The following ZNF672 variants were observed in gnomAD, a reference collection of about 807,000 sequenced individuals.
The protein encoded by ZNF672 is zinc finger protein 672, also known as hypothetical protein FLJ22301.
For missense variants in ZNF672, 733 were observed against 701.1 expected (o/e 1.05, Z -0.51); for synonymous variants, 358 against 305.6 (o/e 1.17, Z -1.79).
chr1:248,838,261 AGGCT>A lies in ZNF672; in HGVS notation c.-763_-760del, dbSNP rs1664606011. ...TTCCCGGCTCCAGCTGGGGCCGGAG[AGGCT>A]GAGTGGTTGGTACGCTGCTCGCTGG... is the stretch of plus-strand genomic sequence containing the variant. On this transcript the variant is annotated 5_prime_UTR_variant, in exon 1 of 4. Coordinates refer to ENST00000306562, the MANE Select transcript of ZNF672 (RefSeq NM_024836.3). 1 of 152,132 alleles carries A rather than the reference AGGCT, an allele frequency of 6.6e-6. No individual in the cohort carries two copies. Among genetic ancestry groups the A allele is most frequent in the Non-Finnish European group, 1.5e-5 (1 of 68,080 alleles). 9.4% of individuals were successfully genotyped at this position (152,132 alleles called of 1,614,324 possible). A position where few individuals can be genotyped will look rare whatever the true frequency, so the allele number is the denominator to read the frequency against.
chr1:248,849,092 G>T lies in ZNF672; in HGVS notation c.*459G>T. 2 of 476,340 alleles carry T rather than the reference G, an allele frequency of 4.2e-6. No homozygotes were observed. Among genetic ancestry groups the T allele is most frequent in the Non-Finnish European group, 8.7e-6 (2 of 230,542 alleles). The allele number at this position is 476,340 out of a possible 1,614,324, so 29.5% of individuals were successfully genotyped here. On this transcript the variant is annotated 3_prime_UTR_variant, in exon 4 of 4. Coordinates refer to ENST00000306562, the MANE Select transcript of ZNF672 (RefSeq NM_024836.3). ...TGGTCACAGATTTGGCTGTAGGCAC[G>T]TTACCAGCCCTGTGGCTTCTTGACT...
rs747400464 is a variant in ZNF672 at position 248,847,650 on chromosome 1, C to T, written c.376C>T (p.Arg126Trp). ...CCGGCGCCGCCAGCATCTGCCAGAGCGGCCCCGCCGCTGCCCGCTGTGCGC... is the reference window on the plus strand; with the variant it reads ...CCGGCGCCGCCAGCATCTGCCAGAGTGGCCCCGCCGCTGCCCGCTGTGCGC... ...LHRRRQHLPERPRRCPLCART... is the reference protein window; with the variant it reads ...LHRRRQHLPEWPRRCPLCART... The change falls in exon 4 of 4, where the codon CGG (arginine) becomes TGG (tryptophan). Residue 126 changes from arginine (R) to tryptophan (W), a missense_variant. Coordinates refer to ENST00000306562, the MANE Select transcript of ZNF672 (RefSeq NM_024836.3). 3 of 1,501,402 alleles carry T rather than the reference C, an allele frequency of 2.0e-6. No individual in the cohort carries two copies. The highest frequency in any genetic ancestry group is 2.2e-5 in the Admixed American group (1 of 46,460). The allele number at this position is 1,501,402 out of a possible 1,614,324, so 93.0% of individuals were successfully genotyped here. A position where few individuals can be genotyped will look rare whatever the true frequency, so the allele number is the denominator to read the frequency against.
rs553964772 is a variant in ZNF672 at position 248,846,943 on chromosome 1, A to G, written c.-223-109A>G. The G allele has an allele frequency of 4.4e-5, 11 of 249,328 alleles. 1 individual carries two copies. The Admixed American group carries it at 5.0e-4, about 11-fold the overall frequency. 15.4% of individuals were successfully genotyped at this position (249,328 alleles called of 1,614,324 possible). On this transcript the variant is annotated intron_variant, in intron 3 of 3. Coordinates refer to ENST00000306562, the MANE Select transcript of ZNF672 (RefSeq NM_024836.3). ...GCTTTGCTTTGTCTTGGGGAAGGGAATCCTGGAGATGGACTACCTAAAGAA... is the reference window on the plus strand; with the variant it reads ...GCTTTGCTTTGTCTTGGGGAAGGGAGTCCTGGAGATGGACTACCTAAAGAA...
At position 248,846,552 on chromosome 1, in the gene ZNF672, A is replaced by G. The variant is rs565952917; in HGVS notation, c.-223-500A>G. On this transcript the variant is annotated intron_variant, in intron 3 of 3. Transcript: ENST00000306562. ...CCTTTGCCTAGGCTGTTGCTGCTGG[A>G]CCTGTTTGTGCTTCATCACATTACC... Among the ~76,000 whole-genome samples, 9 of 152,098 alleles carry G rather than the reference A, an allele frequency of 5.9e-5. No individual in the cohort carries two copies. The East Asian group carries it at 7.7e-4, about 13-fold the overall frequency.
At chr1:248,839,887 C>T (rs1309063066) in intron 1 of ZNF672, among the ~76,000 whole-genome samples, 2 of 151,040 alleles carry the variant, frequency 1.3e-5, no homozygotes, top group Non-Finnish European at 2.9e-5. Flanking sequence ...TACAGACGGG[C>T]GCCACCACAC....
At position 248,847,685 on chromosome 1, in the gene ZNF672, C is replaced by G; in HGVS notation, c.411C>G (p.Phe137Leu). The G allele has an allele frequency of 6.8e-6, 10 of 1,472,802 alleles. No homozygotes were observed. Among genetic ancestry groups the G allele is most frequent in the Non-Finnish European group, 8.9e-6 (10 of 1,117,914 alleles). 91.2% of individuals were successfully genotyped at this position (1,472,802 alleles called of 1,614,324 possible). ...GCTGCCCGCTGTGCGCCCGCACCTT[C>G]CGGCAGAGCGCGCTGCTCTTCCACC... is the stretch of plus-strand genomic sequence containing the variant. ...PRRCPLCART[F>L]RQSALLFHQA... The change falls in exon 4 of 4, where the codon TTC becomes TTG. Residue 137 changes from phenylalanine (F) to leucine (L), a missense_variant. By Grantham distance (22) the Phe-to-Leu change is conservative. Transcript: ENST00000306562.
Position 248,848,542 on chromosome 1 carries a change from C to T in ZNF672, c.1268C>T (p.Ala423Val), listed in dbSNP as rs569373430. The change falls in exon 4 of 4, where the codon GCT (alanine) becomes GTT (valine). Residue 423 changes from alanine (A) to valine (V), a missense_variant. Coordinates refer to ENST00000306562, the MANE Select transcript of ZNF672 (RefSeq NM_024836.3). ...HQRAHTRART[A>V]AAVAIQSAVG... The stretch of plus-strand genomic sequence containing the variant: ...CGGGCCCACACGCGCGCCCGCACCG[C>T]TGCCGCCGTTGCCATCCAGTCCGCA... The T allele has an allele frequency of 7.1e-5, 113 of 1,598,646 alleles. No homozygotes were observed. Among genetic ancestry groups the T allele is most frequent in the South Asian group, 5.3e-4 (48 of 89,942 alleles).
At position 248,849,116 on chromosome 1, in the gene ZNF672, C is replaced by T. The variant is rs1163717755; in HGVS notation, c.*483C>T. The T allele has an allele frequency of 1.5e-5, 7 of 473,168 alleles. No individual in the cohort carries two copies. Among genetic ancestry groups the T allele is most frequent in the Non-Finnish European group, 3.1e-5 (7 of 228,614 alleles). The allele number at this position is 473,168 out of a possible 1,614,324, so 29.3% of individuals were successfully genotyped here. On this transcript the variant is annotated 3_prime_UTR_variant, in exon 4 of 4. Coordinates refer to ENST00000306562, the MANE Select transcript of ZNF672 (RefSeq NM_024836.3). ...CGTTACCAGCCCTGTGGCTTCTTGA[C>T]TCTTGGTTCCCTGTTAACTCTGTTT...
chr1:248,845,964 G>A (rs577296333), intron 3 of ZNF672, among the ~76,000 whole-genome samples: 1 of 152,334 alleles, frequency 6.6e-6, no homozygotes, highest in South Asian at 2.1e-4. Context: ...TAGAGGGCAT[G>A]TGAGGTTCTG....
rs1558241713 is a variant in ZNF672 at position 248,849,223 on chromosome 1, G to T, written c.*590G>T. Reference sequence around the variant, plus strand: ...CCATGCTAGGAGCTGCCTGCACCCTGGCAGAGGTGGCCAGTCACGTGAAGG... The same window carrying T: ...CCATGCTAGGAGCTGCCTGCACCCTTGCAGAGGTGGCCAGTCACGTGAAGG... On this transcript the variant is annotated 3_prime_UTR_variant, in exon 4 of 4. Coordinates refer to ENST00000306562, the MANE Select transcript of ZNF672 (RefSeq NM_024836.3). 2.5e-6 allele frequency: 1 copy of T among 404,022 alleles called. No individual in the cohort carries two copies. The highest frequency in any genetic ancestry group is 7.1e-5 in the East Asian group (1 of 14,068). The allele number at this position is 404,022 out of a possible 1,614,324, so 25.0% of individuals were successfully genotyped here. A position where few individuals can be genotyped will look rare whatever the true frequency, so the allele number is the denominator to read the frequency against.
chr1:248,848,132 C>G lies in ZNF672; in HGVS notation c.858C>G (p.Ala286=). Residue 286 remains alanine, a synonymous_variant, in exon 4 of 4, where the codon GCC becomes GCG. Transcript: ENST00000306562. ...SHQGERPHAC[A]TCGKGFGQRS... is the part of the protein sequence containing the mutation. Reference sequence around the variant, plus strand: ...AGGGCGAGCGGCCACATGCGTGCGCCACTTGCGGCAAGGGTTTCGGGCAGC... The same window carrying G: ...AGGGCGAGCGGCCACATGCGTGCGCGACTTGCGGCAAGGGTTTCGGGCAGC... 2 of 1,570,426 alleles carry G rather than the reference C, an allele frequency of 1.3e-6. No homozygotes were observed. Among genetic ancestry groups the G allele is most frequent in the Non-Finnish European group, 1.7e-6 (2 of 1,162,524 alleles).
Position 248,847,587 on chromosome 1 carries a change from G to A in ZNF672, c.313G>A (p.Gly105Ser), listed in dbSNP as rs1327123519. The A allele has an allele frequency of 1.3e-6, 2 of 1,557,976 alleles. No homozygotes were observed. The highest frequency in any genetic ancestry group is 1.4e-5 in the African/African-American group (1 of 73,646). The change falls in exon 4 of 4, where the codon GGC becomes AGC. Residue 105 changes from glycine to serine, a missense_variant. Coordinates refer to ENST00000306562, the MANE Select transcript of ZNF672 (RefSeq NM_024836.3). Reference protein sequence around the residue: ...RCRTCPCRTCGRRFPHLPALL... With the variant: ...RCRTCPCRTCSRRFPHLPALL... ...CCGCACTTGCCCCTGCCGCACATGC[G>A]GCCGGCGCTTCCCGCACCTCCCGGC...
chr1:248,847,401 C>T lies in ZNF672; in HGVS notation c.127C>T (p.Arg43Cys). The change falls in exon 4 of 4, where the codon CGT becomes TGT. Residue 43 changes from arginine (R) to cysteine (C), a missense_variant. Coordinates refer to ENST00000306562, the MANE Select transcript of ZNF672 (RefSeq NM_024836.3). ...ERAHGGDGRFRCLECGERCAR... is the reference protein window; with the variant it reads ...ERAHGGDGRFCCLECGERCAR... ...AGCTCACGGCGGTGACGGCCGCTTC[C>T]GTTGCCTAGAATGCGGTGAGCGCTG... 1 of 1,599,860 alleles carries T rather than the reference C, an allele frequency of 6.3e-7. No homozygotes were observed. Among genetic ancestry groups the T allele is most frequent in the Non-Finnish European group, 8.5e-7 (1 of 1,173,088 alleles).
chr1:248,844,314 A>G (rs1439702793), intron 1 of ZNF672, among the ~76,000 whole-genome samples, 169 bp from the exon 2 acceptor site: 1 of 152,180 alleles, frequency 6.6e-6, no homozygotes, highest in Admixed American at 6.5e-5. Flanking sequence ...ACCAATTCAC[A>G]CGTAATTTCC....
chr1:248,848,568 G>C lies in ZNF672; in HGVS notation c.1294G>C (p.Val432Leu), dbSNP rs1659258350. The change falls in exon 4 of 4, where the codon GTG (valine) becomes CTG (leucine). Residue 432 changes from valine to leucine, a missense_variant. Transcript: ENST00000306562. ...TAAAVAIQSA[V>L]GTALVFEGPA... Reference sequence around the variant, plus strand: ...TGCCGCCGTTGCCATCCAGTCCGCAGTGGGCACTGCCCTCGTCTTTGAGGG... The same window carrying C: ...TGCCGCCGTTGCCATCCAGTCCGCACTGGGCACTGCCCTCGTCTTTGAGGG... 6.3e-7 allele frequency: 1 copy of C among 1,599,546 alleles called. No individual in the cohort carries two copies. The highest frequency in any genetic ancestry group is 8.5e-7 in the Non-Finnish European group (1 of 1,171,040).
intron 1 of ZNF672, among the ~76,000 whole-genome samples, chr1:248,844,034 G>A (rs6681099): frequency 0.36 from 54,798 of 152,084 alleles, 16,205 homozygotes; most frequent in African/African-American, 0.81. Flanking sequence ...AAATGCTGGC[G>A]TGGCAGAACA....
intron 1 of ZNF672, among the ~76,000 whole-genome samples, chr1:248,842,283 C>T (rs1435508338): frequency 2.6e-5 from 4 of 152,120 alleles, no homozygotes; most frequent in African/African-American, 9.7e-5. Context: ...AATAACAGTT[C>T]GCTCCTACCC....
At position 248,849,158 on chromosome 1, in the gene ZNF672, TGGA is replaced by T; in HGVS notation, c.*528_*530del. 1 of 456,276 alleles carries T rather than the reference TGGA, an allele frequency of 2.2e-6. No homozygotes were observed. Among genetic ancestry groups the T allele is most frequent in the Non-Finnish European group, 4.6e-6 (1 of 219,304 alleles). 28.3% of individuals were successfully genotyped at this position (456,276 alleles called of 1,614,324 possible). The stretch of plus-strand genomic sequence containing the variant: ...ACTCTGTTTCTGAGAAATGTGGGTA[TGGA>T]GGTGGGTGGGAAAGCTCACTTCCAT... On this transcript the variant is annotated 3_prime_UTR_variant, in exon 4 of 4. Coordinates refer to ENST00000306562, the MANE Select transcript of ZNF672 (RefSeq NM_024836.3).
rs1288908737 is a variant in ZNF672, at chr1:248,848,564, C to T, written c.1290C>T (p.Ser430=). 1.3e-6 allele frequency: 2 copies of T among 1,598,678 alleles called. No homozygotes were observed. The highest frequency in any genetic ancestry group is 1.7e-5 in the Admixed American group (1 of 59,292). The change falls in exon 4 of 4, where the codon TCC becomes TCT. Residue 430 remains serine (S), a synonymous_variant. Coordinates refer to ENST00000306562, the MANE Select transcript of ZNF672 (RefSeq NM_024836.3). ...CCGCTGCCGCCGTTGCCATCCAGTC[C>T]GCAGTGGGCACTGCCCTCGTCTTTG... ...ARTAAAVAIQ[S]AVGTALVFEG...
Sources: allele counts gnomAD v4.1 joint callset (sites outside exome capture counted in the v4.1 genomes callset), GRCh38; gene constraint gnomAD v4.1.1; transcripts MANE v1.5; gene names NCBI Gene and HGNC (gene_info 2026-07-23, HGNC 2026-07-21).